The following RSPH14 variants were observed in gnomAD, a reference collection of about 807,000 sequenced individuals.
The protein encoded by RSPH14 is rhabdoid tumor deletion region gene 1.
Under a neutral mutation model 26.7 loss-of-function variants are expected in RSPH14, and 20 were observed. The observed-to-expected ratio is 0.75, with a 90% confidence interval of 0.53 to 1.09. The LOEUF is 1.09. Ranked by LOEUF, RSPH14 falls within the 50% of genes least tolerant of loss-of-function variation. RSPH14 has a pLI of 0.00. For missense variants in RSPH14, 449 were observed against 457.2 expected (o/e 0.98, Z 0.16); for synonymous variants, 177 against 189.3 (o/e 0.93, Z 0.53).
the RSPH14 span, among the ~76,000 whole-genome samples, chr22:23,151,111 G>A: frequency 5.9e-5 from 9 of 152,372 alleles, no homozygotes; most frequent in South Asian, 8.3e-4. Context: ...ACAGAGGTGC[G>A]ATGAGGCTGC....
chr22:23,136,258 T>A (rs1332739226), intron 3 of RSPH14: 5 of 712,004 alleles, frequency 7.0e-6, no homozygotes, highest in Non-Finnish European at 1.3e-5. Flanking sequence ...GCAAATTAAC[T>A]CCTCAAGGTG....
chr22:23,125,772 G>A lies in RSPH14; in HGVS notation c.421+8254C>T, dbSNP rs138762635. ...TTGCTCCCACTGGAGGAGCAGAGAC[G>A]CTGATCTTTCCTCCTGCTGGAGTCC... On this transcript the variant is annotated intron_variant, in intron 4 of 6. Transcript: ENST00000216036. 2.2e-3 allele frequency among the ~76,000 whole-genome samples: 336 copies of A among 152,312 alleles called. 2 individuals carry two copies. Among genetic ancestry groups the A allele is most frequent in the Non-Finnish European group, 3.5e-3 (239 of 68,020 alleles).
the RSPH14 span, among the ~76,000 whole-genome samples, chr22:23,154,495 G>T: frequency 7.9e-5 from 12 of 152,248 alleles, no homozygotes; most frequent in African/African-American, 2.9e-4. Flanking sequence ...GGGAGAGAAC[G>T]CAGGGCTGCA....
At chr22:23,127,267 C>T (rs2070207001) in intron 4 of RSPH14, among the ~76,000 whole-genome samples, 1 of 152,178 alleles carries the variant, frequency 6.6e-6, no homozygotes, top group South Asian at 2.1e-4. Context: ...GCTCACCTCA[C>T]CCAGATGAGC....
chr22:23,097,982 A>G (rs1167940765), intron 4 of RSPH14, among the ~76,000 whole-genome samples: 3 of 152,232 alleles, frequency 2.0e-5, no homozygotes. Context: ...AGGAGGCAGG[A>G]TACCTGGGTC....
rs1006491022 is a variant in RSPH14, at chr22:23,071,669, A to G, written c.422-7536T>C. ...ACTGATTGACCACCGCATAGGGGAA[A>G]ACGTCTCTACTCGACCAACCCCGCT... On this transcript the variant is annotated intron_variant, in intron 4 of 6. Transcript: ENST00000216036. This position sits in a 1 kb window ranked among gnomAD's most constrained non-coding sequence, Gnocchi z 4.1. 5.3e-5 allele frequency among the ~76,000 whole-genome samples: 8 copies of G among 152,090 alleles called. No homozygotes were observed. The highest frequency in any genetic ancestry group is 1.9e-4 in the African/African-American group (8 of 41,418).
rs138459257 is a variant in RSPH14, at chr22:23,101,104, A to G, written c.421+32922T>C. Among the ~76,000 whole-genome samples, 203 of 152,328 alleles carry G rather than the reference A, an allele frequency of 1.3e-3. 1 individual carries two copies. The highest frequency in any genetic ancestry group is 4.7e-3 in the African/African-American group (196 of 41,572). ...CCAAGGAGGGAATTACAAATGGGCA[A>G]TAGCCAGACACAGATGATACCCTCT... On this transcript the variant is annotated intron_variant, in intron 4 of 6. Coordinates refer to ENST00000216036, the MANE Select transcript of RSPH14 (RefSeq NM_014433.3).
intron 3 of RSPH14, among the ~76,000 whole-genome samples, 200 bp from the exon 4 acceptor site, chr22:23,134,344 C>T (rs2070421375): frequency 6.6e-6 from 1 of 152,014 alleles, no homozygotes; most frequent in Admixed American, 6.6e-5. Flanking sequence ...CTCAGCAGGC[C>T]CAGCCCACCT....
At position 23,095,929 on chromosome 22, in the gene RSPH14, C is replaced by T. The variant is rs41296233; in HGVS notation, c.422-31796G>A. 13,548 of 1,613,260 alleles carry T rather than the reference C, an allele frequency of 8.4e-3. 95 individuals carry two copies. Among genetic ancestry groups the T allele is most frequent in the Middle Eastern group, 0.023 (140 of 6,062 alleles). On this transcript the variant is annotated intron_variant, in intron 4 of 6. Transcript: ENST00000216036. ...AGCCCCTCATCATCTACAATGCCAT[C>T]GACTCGCTGACCCGCATCATCCGGG...
chr22:23,145,564 G>T (rs774538697), upstream of RSPH14: 2 of 1,596,046 alleles, frequency 1.3e-6, no homozygotes, highest in South Asian at 1.1e-5. Flanking sequence ...GAGTCAGCTC[G>T]CCCACTCTGT....
chr22:23,105,380 A>G (rs921823830), intron 4 of RSPH14, among the ~76,000 whole-genome samples: 1 of 152,220 alleles, frequency 6.6e-6, no homozygotes, highest in Non-Finnish European at 1.5e-5. Context: ...CTTTTTGGCC[A>G]TAGGCAGAGG....
chr22:23,151,594 C>T, the RSPH14 span, among the ~76,000 whole-genome samples: 16 of 152,184 alleles, frequency 1.1e-4, no homozygotes, highest in African/African-American at 2.9e-4. Flanking sequence ...GTGTTGTCAA[C>T]AGTCCCAGGA....
At chr22:23,080,972 G>A (rs1176861249) in intron 4 of RSPH14, among the ~76,000 whole-genome samples, 2 of 152,194 alleles carry the variant, frequency 1.3e-5, no homozygotes, top group Non-Finnish European at 2.9e-5. Context: ...CCTTCCACAT[G>A]TATCCCTTTG....
At chr22:23,175,049 T>A in the RSPH14 span, among the ~76,000 whole-genome samples, 1 of 150,454 alleles carries the variant, frequency 6.6e-6, no homozygotes, top group East Asian at 2.0e-4. Context: ...CAGGCTGGAG[T>A]GCAGTGACGC....
intron 4 of RSPH14, among the ~76,000 whole-genome samples, chr22:23,130,496 A>AAGAAAAAGAAAGAAAGAAAGAAAGAAAG: frequency 9.0e-6 from 1 of 110,692 alleles, no homozygotes; most frequent in Non-Finnish European, 1.8e-5. Context: ...GAAGGAAAGA[A>AAGAAAAAGAAAGAAAGAAAGAAAGAAAG]AAAGAAAGAA....
upstream of RSPH14, chr22:23,142,034 T>C (rs1305280093): frequency 2.0e-6 from 2 of 985,280 alleles, no homozygotes; most frequent in Admixed American, 6.1e-5. Context: ...GCCAGGCGAC[T>C]CCAGCAGCGT....
At chr22:23,145,464 C>G (rs772961857), upstream of RSPH14, 3 of 1,610,034 alleles carry the variant, frequency 1.9e-6, no homozygotes, top group Admixed American at 1.7e-5. Context: ...CCCGCAGGTC[C>G]CGCGTGGCTC....
chr22:23,160,969 G>A, the RSPH14 span: 2 of 1,612,706 alleles, frequency 1.2e-6, no homozygotes, highest in Non-Finnish European at 1.7e-6. Flanking sequence ...AGCAGTGCCC[G>A]GCTCCAGGTC....
intron 2 of RSPH14, 127 bp downstream of exon 2, chr22:23,140,095 G>A (rs184273429): frequency 3.2e-5 from 37 of 1,162,272 alleles, no homozygotes; most frequent in Non-Finnish European, 4.1e-5. Context: ...CCCGGGCACC[G>A]CACCTATAGT....
Sources: allele counts gnomAD v4.1 joint callset (sites outside exome capture counted in the v4.1 genomes callset), GRCh38; gene constraint gnomAD v4.1.1; non-coding constraint Gnocchi (gnomAD v3.1); transcripts MANE v1.5; gene names NCBI Gene and HGNC (gene_info 2026-07-23, HGNC 2026-07-21).